CEP128: variants seen among roughly 807,000 people sequenced by gnomAD.
CEP128 encodes the protein centrosomal protein 128kDa.
In CEP128, 132 loss-of-function variants were observed where a neutral mutation model predicts 156.7. The ratio of observed to expected loss-of-function variants is 0.84; its 90% confidence interval spans 0.73 to 0.97. The LOEUF is 0.97. Among genes scored for constraint, CEP128 ranks in the 50% least tolerant of loss-of-function variants. CEP128 has a pLI of 0.00. For missense variants in CEP128, 1,252 were observed against 1,281.9 expected, an observed-to-expected ratio of 0.98 and a Z score of 0.36; for synonymous variants, 469 against 448.9, an observed-to-expected ratio of 1.04 and a Z score of -0.57.
intron 19 of CEP128, among the ~76,000 whole-genome samples, chr14:80,724,196 C>A (rs1184722216): frequency 6.6e-6 from 1 of 152,096 alleles, no homozygotes; most frequent in Non-Finnish European, 1.5e-5. Flanking sequence ...TTTACTAACA[C>A]TTTTGTTCAT....
intron 24 of CEP128, among the ~76,000 whole-genome samples, 181 bp from the exon 25 acceptor site, chr14:80,497,763 A>T (rs1039598566): frequency 5.3e-5 from 8 of 152,106 alleles, no homozygotes; most frequent in Non-Finnish European, 7.4e-5. Flanking sequence ...TATGACATTT[A>T]AAAAAAACAC....
intron 19 of CEP128, among the ~76,000 whole-genome samples, chr14:80,737,171 C>T (rs1407393831): frequency 2.6e-5 from 4 of 151,988 alleles, no homozygotes; most frequent in East Asian, 1.9e-4. Flanking sequence ...TTTGGGAGGC[C>T]GAGGCGGGTG....
At chr14:80,883,071 A>C (rs1177198512) in intron 8 of CEP128, among the ~76,000 whole-genome samples, 1 of 152,218 alleles carries the variant, frequency 6.6e-6, no homozygotes, top group Admixed American at 6.5e-5. Flanking sequence ...TGTAACACTA[A>C]GGATAAACAC....
chr14:80,490,882 A>AT (rs1887301259), intron 6 of CEP128, among the ~76,000 whole-genome samples: 1 of 143,780 alleles, frequency 7.0e-6, no homozygotes, highest in Admixed American at 7.2e-5. Flanking sequence ...GAATTTGACC[A>AT]TTGATCACAA....
chr14:80,568,676 T>TTTAA (rs1278640721), intron 20 of CEP128, among the ~76,000 whole-genome samples: 3 of 152,310 alleles, frequency 2.0e-5, no homozygotes, highest in Admixed American at 2.0e-4. Context: ...ATTAAAACTA[T>TTTAA]TATTAATCTC....
intron 2 of CEP128, among the ~76,000 whole-genome samples, chr14:80,938,403 C>T (rs1594870747): frequency 1.3e-5 from 2 of 152,060 alleles, no homozygotes; most frequent in East Asian, 1.9e-4. Context: ...CCTGCCACCA[C>T]GCCTGGTAAT....
intron 9 of CEP128, among the ~76,000 whole-genome samples, chr14:80,854,612 A>C (rs888522648): frequency 6.6e-6 from 1 of 152,158 alleles, no homozygotes; most frequent in Non-Finnish European, 1.5e-5. Context: ...TAGGAAAAAA[A>C]TCAGCCATGT....
At chr14:80,596,300 T>C (rs951544369) in intron 19 of CEP128, among the ~76,000 whole-genome samples, 5 of 152,084 alleles carry the variant, frequency 3.3e-5, no homozygotes, top group African/African-American at 9.7e-5. Context: ...AAATATATCA[T>C]GCAAATATTA....
At chr14:80,718,415 T>C (rs942900128) in intron 19 of CEP128, among the ~76,000 whole-genome samples, 18 of 152,210 alleles carry the variant, frequency 1.2e-4, no homozygotes, top group African/African-American at 3.9e-4. Context: ...CTCAAATATA[T>C]ATGGCATAAA....
At position 80,859,600 on chromosome 14, in the gene CEP128, T is replaced by C. The variant is rs1041543556; in HGVS notation, c.762+3157A>G. Among the ~76,000 whole-genome samples, 8 of 152,124 alleles carry C rather than the reference T, an allele frequency of 5.3e-5. No individual in the cohort carries two copies. The South Asian group carries it at 1.4e-3, about 28-fold the overall frequency. On this transcript the variant is annotated intron_variant, in intron 9 of 24. Transcript: ENST00000555265. Reference sequence around the variant, plus strand: ...AAAGAAAGAAAATCTGGCATTCATGTGACTTCAATAGCACATGAGTAGCTG... The same window carrying C: ...AAAGAAAGAAAATCTGGCATTCATGCGACTTCAATAGCACATGAGTAGCTG...
intron 18 of CEP128, among the ~76,000 whole-genome samples, chr14:80,746,288 T>C (rs1412034396): frequency 6.6e-6 from 1 of 152,146 alleles, no homozygotes; most frequent in Non-Finnish European, 1.5e-5. Flanking sequence ...AAAAAAGATA[T>C]TGGAAAAGAA....
chr14:80,955,755 G>A (rs747394165), intron 2 of CEP128: 3 of 1,614,052 alleles, frequency 1.9e-6, no homozygotes, highest in East Asian at 2.2e-5. Context: ...TGGGGTGTTC[G>A]TCTCCACCCT....
intron 19 of CEP128, among the ~76,000 whole-genome samples, chr14:80,657,380 G>A (rs1464395758): frequency 4.4e-4 from 67 of 151,916 alleles, no homozygotes; most frequent in Non-Finnish European, 8.8e-5. Context: ...GGCTGAGCAC[G>A]GTGGCTCACG....
intron 19 of CEP128, among the ~76,000 whole-genome samples, chr14:80,586,694 T>C (rs1891835753): frequency 6.6e-6 from 1 of 152,172 alleles, no homozygotes; most frequent in African/African-American, 2.4e-5. Flanking sequence ...GGAGATGACG[T>C]CCAAAAATAT....
At chr14:80,592,835 G>C (rs755986175) in intron 19 of CEP128, among the ~76,000 whole-genome samples, 2 of 152,110 alleles carry the variant, frequency 1.3e-5, no homozygotes, top group Non-Finnish European at 2.9e-5. Flanking sequence ...GGGATGCAAG[G>C]CTGGTTCAGC....
chr14:80,708,964 G>A (rs1039856441), intron 19 of CEP128, among the ~76,000 whole-genome samples: 1 of 151,672 alleles, frequency 6.6e-6, no homozygotes, highest in Non-Finnish European at 1.5e-5. Context: ...CAGTATTTGG[G>A]CCTATTTGGG....
intron 19 of CEP128, among the ~76,000 whole-genome samples, chr14:80,714,243 G>A (rs1897518790): frequency 6.6e-6 from 1 of 151,902 alleles, no homozygotes; most frequent in Non-Finnish European, 1.5e-5. Flanking sequence ...GCATACACTT[G>A]GAATTTTAAA....
chr14:80,656,847 T>C (rs1012713165), intron 19 of CEP128, among the ~76,000 whole-genome samples: 1 of 152,230 alleles, frequency 6.6e-6, no homozygotes, highest in African/African-American at 2.4e-5. Flanking sequence ...CAGACCTTTC[T>C]TATCCTGGCC....
At chr14:80,847,417 CA>C (rs1393921872) in intron 9 of CEP128, among the ~76,000 whole-genome samples, 1 of 151,612 alleles carries the variant, frequency 6.6e-6, no homozygotes, top group African/African-American at 2.4e-5. Context: ...TTCATCTTTG[CA>C]AAGAAAAAAT....
Sources: gnomAD v4.1 joint callset for allele counts (sites outside exome capture counted in the v4.1 genomes callset) on GRCh38, gnomAD v4.1.1 for gene constraint, MANE v1.5 for transcripts, NCBI Gene and HGNC (gene_info 2026-07-23, HGNC 2026-07-21) for gene names.